Variants in SLIT2 observed in about 807,000 individuals in gnomAD.
SLIT2 encodes slit homolog 2 protein.
In SLIT2, 41 loss-of-function variants were observed where a neutral mutation model predicts 185.7. That is an observed-to-expected ratio of 0.22 (90% confidence interval 0.17 to 0.29). The LOEUF is 0.29. Among genes scored for constraint, SLIT2 ranks in the 10% least tolerant of loss-of-function variants. The pLI, the probability that SLIT2 is intolerant of heterozygous loss-of-function variation, is 1.00. For missense variants in SLIT2, 1,571 were observed against 1,909.0 expected (o/e 0.82, Z 3.30); for synonymous variants, 693 against 680.2 (o/e 1.02, Z -0.29).
At chr4:20,551,946 A>C (rs1288415232) in intron 25 of SLIT2, among the ~76,000 whole-genome samples, 1 of 152,156 alleles carries the variant, frequency 6.6e-6, no homozygotes, top group East Asian at 1.9e-4. Flanking sequence ...TGCCTTATAG[A>C]GTCTGTGTTA....
chr4:20,535,069 G>A (rs1322164912), intron 18 of SLIT2, among the ~76,000 whole-genome samples: 2 of 152,106 alleles, frequency 1.3e-5, no homozygotes, highest in African/African-American at 4.8e-5. Flanking sequence ...GGGAGGCCAA[G>A]GTGGGCAGAT....
intron 4 of SLIT2, among the ~76,000 whole-genome samples, chr4:20,376,027 C>A (rs889760760): frequency 1.3e-5 from 2 of 149,842 alleles, no homozygotes; most frequent in Non-Finnish European, 3.0e-5. Flanking sequence ...ACAATAGACC[C>A]ATTATATGTT....
At chr4:20,420,778 T>G (rs1388948844) in intron 4 of SLIT2, among the ~76,000 whole-genome samples, 10 of 152,028 alleles carry the variant, frequency 6.6e-5, no homozygotes, top group Non-Finnish European at 1.5e-4. Context: ...GCAATTTGAT[T>G]TAGATGAGGT....
intron 6 of SLIT2, among the ~76,000 whole-genome samples, chr4:20,481,851 A>C (rs1224075687): frequency 6.6e-6 from 1 of 152,022 alleles, no homozygotes; most frequent in East Asian, 1.9e-4. Context: ...TACTGTTATT[A>C]ATTATTTTAA....
At chr4:20,548,771 T>C (rs1039286535) in intron 23 of SLIT2, among the ~76,000 whole-genome samples, 4 of 151,896 alleles carry the variant, frequency 2.6e-5, no homozygotes, top group African/African-American at 7.3e-5. Context: ...TTTGTGTTTG[T>C]GGGGGGCTTA....
chr4:20,409,760 A>G (rs888471437), intron 4 of SLIT2, among the ~76,000 whole-genome samples: 2 of 152,114 alleles, frequency 1.3e-5, no homozygotes, highest in Non-Finnish European at 2.9e-5. Flanking sequence ...AATAATAGCT[A>G]TTCTTACTGG....
At chr4:20,550,542 C>T (rs547652405) in intron 24 of SLIT2, among the ~76,000 whole-genome samples, 128 of 151,998 alleles carry the variant, frequency 8.4e-4, no homozygotes, top group Admixed American at 1.1e-3. Context: ...CTGTGAAAGC[C>T]TTCCTCACTC....
At chr4:20,559,100 A>G (rs1253921627) in intron 26 of SLIT2, among the ~76,000 whole-genome samples, 1 of 151,926 alleles carries the variant, frequency 6.6e-6, no homozygotes, top group Admixed American at 6.6e-5. Context: ...CTGTGGGAGC[A>G]GAGCTTGCAC....
chr4:20,347,405 T>G (rs1222665904), intron 4 of SLIT2, among the ~76,000 whole-genome samples: 1 of 152,196 alleles, frequency 6.6e-6, no homozygotes, highest in Non-Finnish European at 1.5e-5. Flanking sequence ...AATTTAGGGG[T>G]ACAGTGCAGT....
chr4:20,299,024 A>G (rs1038973416), intron 4 of SLIT2, among the ~76,000 whole-genome samples: 2 of 152,200 alleles, frequency 1.3e-5, no homozygotes, highest in African/African-American at 4.8e-5. Flanking sequence ...TTTTTGCAAT[A>G]TGTTTTTGTA....
intron 5 of SLIT2, among the ~76,000 whole-genome samples, chr4:20,476,438 A>T (rs1305407897): frequency 1.3e-5 from 2 of 152,164 alleles, no homozygotes; most frequent in Admixed American, 1.3e-4. Flanking sequence ...TAATAATAAT[A>T]CGAACATAAA....
In SLIT2 at chr4:20,334,886, G is replaced by A. The variant is rs144341142; in HGVS notation, c.395+66005G>A. ...AGAAAGGTAATGCATGTGAAGTCTT[G>A]ACATAGAATCCAGCACACTGAAGTA... is the stretch of plus-strand genomic sequence containing the variant. On this transcript the variant is annotated intron_variant, in intron 4 of 36. Transcript: ENST00000504154. Among the ~76,000 whole-genome samples, 57 of 152,278 alleles carry A rather than the reference G, an allele frequency of 3.7e-4. No individual in the cohort carries two copies. In the East Asian group the frequency reaches 0.011, roughly 29 times the overall value.
chr4:20,587,745 A>T (rs934876947), intron 29 of SLIT2, among the ~76,000 whole-genome samples: 10 of 152,314 alleles, frequency 6.6e-5, no homozygotes, highest in Middle Eastern at 3.4e-3. Flanking sequence ...TCATCCTTGT[A>T]GCTCCAGCCT....
chr4:20,560,305 G>A (rs1465289179), intron 26 of SLIT2, among the ~76,000 whole-genome samples: 1 of 151,856 alleles, frequency 6.6e-6, no homozygotes, highest in East Asian at 1.9e-4. Flanking sequence ...TCTGCTAAAG[G>A]ATGCCATGCT....
In SLIT2 at chr4:20,486,189, T is replaced by A. The variant is rs576324454; in HGVS notation, c.540-11T>A. ...ATCTAAAAATTCTAACTTTTCTTTT[T>A]AATTCTACAGCACTCTCAACAATAA... is the stretch of plus-strand genomic sequence containing the variant. On this transcript the variant is annotated splice_polypyrimidine_tract_variant and intron_variant, in intron 6 of 36. Transcript: ENST00000504154. The A allele has an allele frequency of 1.3e-6, 2 of 1,561,734 alleles. No individual in the cohort carries two copies. Among genetic ancestry groups the A allele is most frequent in the African/African-American group, 1.4e-5 (1 of 73,932 alleles).
intron 4 of SLIT2, among the ~76,000 whole-genome samples, chr4:20,295,678 A>T (rs1716386109): frequency 6.6e-6 from 1 of 152,120 alleles, no homozygotes; most frequent in Admixed American, 6.5e-5. Context: ...AACAAAGCAA[A>T]CTCATAGTAT....
chr4:20,470,616 C>T (rs1405398972), intron 5 of SLIT2, among the ~76,000 whole-genome samples: 1 of 151,896 alleles, frequency 6.6e-6, no homozygotes, highest in East Asian at 1.9e-4. Flanking sequence ...CGCTCTGTCA[C>T]CCAGGCTGGA....
intron 4 of SLIT2, among the ~76,000 whole-genome samples, chr4:20,351,646 G>A (rs1314120997): frequency 6.6e-6 from 1 of 152,144 alleles, no homozygotes; most frequent in African/African-American, 2.4e-5. Flanking sequence ...ATCAGTGAGT[G>A]GGGAAGCAGG....
At chr4:20,471,444 A>T (rs1177350397) in intron 5 of SLIT2, among the ~76,000 whole-genome samples, 1 of 152,184 alleles carries the variant, frequency 6.6e-6, no homozygotes, top group Non-Finnish European at 1.5e-5. Context: ...AGAAGAAGGT[A>T]CAGTACTTCA....
Sources: gnomAD v4.1 joint callset for allele counts (sites outside exome capture counted in the v4.1 genomes callset) on GRCh38, gnomAD v4.1.1 for gene constraint, MANE v1.5 for transcripts, NCBI Gene and HGNC (gene_info 2026-07-23, HGNC 2026-07-21) for gene names.